Variants in TBC1D32 observed in about 807,000 individuals in gnomAD.
The protein encoded by TBC1D32 is TBC1 domain family member 32.
TBC1D32 carries 151 observed loss-of-function variants against 170.3 expected under a neutral mutation model. The observed-to-expected ratio is 0.89, with a 90% CI of 0.78 to 1.01. The LOEUF is 1.01. Ranked by LOEUF, TBC1D32 falls within the 50% of genes least tolerant of loss-of-function variation. The probability of loss-of-function intolerance (pLI) is 0.00; values close to 1 mark genes in which losing one functional copy is unlikely to be tolerated. For missense variants in TBC1D32, 1,464 were observed against 1,457.1 expected, an observed-to-expected ratio of 1.00 and a Z score of -0.08; for synonymous variants, 498 against 488.0, an observed-to-expected ratio of 1.02 and a Z score of -0.27.
intron 15 of TBC1D32, among the ~76,000 whole-genome samples, chr6:121,257,553 T>C (rs1344984094): frequency 1.3e-5 from 2 of 152,194 alleles, no homozygotes; most frequent in Admixed American, 1.3e-4. Context: ...CTCAGTAACA[T>C]TTTAGTTACA....
chr6:121,138,371 C>G (rs1782372723), intron 24 of TBC1D32, among the ~76,000 whole-genome samples: 1 of 152,226 alleles, frequency 6.6e-6, no homozygotes, highest in South Asian at 2.1e-4. Flanking sequence ...TTAGTCTTCC[C>G]TTGTCATCTT....
At position 121,106,181 on chromosome 6, in the gene TBC1D32, AT is replaced by A; in HGVS notation, c.3325-19del. On this transcript the variant is annotated intron_variant, in intron 29 of 31. Transcript: ENST00000398212. Reference sequence around the variant, plus strand: ...AGGTAACTCTGCATAAAAGAGAAAAATTAAAAATTTTATTAATTTTATTATT... The same window carrying A: ...AGGTAACTCTGCATAAAAGAGAAAAATAAAAATTTTATTAATTTTATTATT... 7.3e-7 allele frequency: 1 copy of A among 1,368,438 alleles called. No individual in the cohort carries two copies. Among genetic ancestry groups the A allele is most frequent in the Non-Finnish European group, 9.5e-7 (1 of 1,051,082 alleles). 84.8% of individuals were successfully genotyped at this position (1,368,438 alleles called of 1,614,324 possible).
intron 21 of TBC1D32, among the ~76,000 whole-genome samples, chr6:121,215,322 G>A (rs1793686375): frequency 6.6e-6 from 1 of 152,230 alleles, no homozygotes; most frequent in South Asian, 2.1e-4. Flanking sequence ...CCCACAGGCA[G>A]CTGAGTGCCT....
In TBC1D32 at chr6:121,217,298, G is replaced by A. The variant is rs186082034; in HGVS notation, c.2481+5938C>T. ...AAGCAATTTGCCTTCAGCTGGCAAG[G>A]CCAGCAATATACCTTTTCTGTCCTA... On this transcript the variant is annotated intron_variant, in intron 21 of 31. Coordinates refer to ENST00000398212, the MANE Select transcript of TBC1D32 (RefSeq NM_152730.6). Among the ~76,000 whole-genome samples the A allele has an allele frequency of 3.3e-5, 5 of 152,336 alleles. No homozygotes were observed. The East Asian group carries it at 9.7e-4, about 29-fold the overall frequency.
chr6:121,191,819 A>C (rs1051340922), intron 22 of TBC1D32, among the ~76,000 whole-genome samples: 1 of 152,040 alleles, frequency 6.6e-6, no homozygotes, highest in African/African-American at 2.4e-5. Context: ...ACCCACCCTT[A>C]ATCTGGTGGG....
At chr6:121,101,472 A>T (rs1395080116) in intron 30 of TBC1D32, among the ~76,000 whole-genome samples, 1 of 152,172 alleles carries the variant, frequency 6.6e-6, no homozygotes, top group Non-Finnish European at 1.5e-5. Context: ...CATAAACTGA[A>T]CCAAAGACAA....
At chr6:121,261,507 C>A (rs1019409076) in intron 15 of TBC1D32, among the ~76,000 whole-genome samples, 4 of 152,082 alleles carry the variant, frequency 2.6e-5, no homozygotes, top group Non-Finnish European at 4.4e-5. Context: ...CTGAAGTGAA[C>A]CCCCAGCAAA....
chr6:121,229,375 C>T (rs1426154441), intron 20 of TBC1D32, among the ~76,000 whole-genome samples: 1 of 152,158 alleles, frequency 6.6e-6, no homozygotes, highest in East Asian at 1.9e-4. Context: ...CTTTTCATTT[C>T]ATCTGTTGAC....
chr6:121,159,909 T>G (rs562060678), intron 24 of TBC1D32, 101 bp downstream of exon 24: 5 of 785,200 alleles, frequency 6.4e-6, no homozygotes, highest in Non-Finnish European at 1.0e-5. Flanking sequence ...CATGTATACA[T>G]GCTAAATGCA....
intron 21 of TBC1D32, among the ~76,000 whole-genome samples, chr6:121,212,238 AC>A (rs1429621082): frequency 6.6e-6 from 1 of 152,076 alleles, no homozygotes; most frequent in East Asian, 1.9e-4. Context: ...TAAATAGCCT[AC>A]CAACCAAAAA....
chr6:121,176,745 C>T (rs991206371), intron 22 of TBC1D32, among the ~76,000 whole-genome samples: 6 of 151,932 alleles, frequency 3.9e-5, no homozygotes, highest in African/African-American at 9.7e-5. Context: ...ATTACAGGCA[C>T]GCGCCACCAC....
chr6:121,318,722 T>C (rs919614226), intron 2 of TBC1D32, among the ~76,000 whole-genome samples: 1 of 150,720 alleles, frequency 6.6e-6, no homozygotes, highest in Admixed American at 6.8e-5. Flanking sequence ...CATATGTTTA[T>C]GTGTATATAT....
Position 121,301,393 on chromosome 6 carries a change from C to T in TBC1D32, c.1081-1888G>A, listed in dbSNP as rs569909190. Among the ~76,000 whole-genome samples the T allele has an allele frequency of 5.3e-5, 8 of 152,160 alleles. No homozygotes were observed. The South Asian group carries it at 8.3e-4, about 16-fold the overall frequency. On this transcript the variant is annotated intron_variant, in intron 9 of 31. Transcript: ENST00000398212. ...TGAGTTCATGTCCTTTGCAGGGACACGGATGATGCTGGAAACCATCATTCT... is the reference window on the plus strand; with the variant it reads ...TGAGTTCATGTCCTTTGCAGGGACATGGATGATGCTGGAAACCATCATTCT...
At chr6:121,212,506 G>A (rs1456466452) in intron 21 of TBC1D32, among the ~76,000 whole-genome samples, 2 of 143,712 alleles carry the variant, frequency 1.4e-5, no homozygotes, top group African/African-American at 5.1e-5. Context: ...CCAGGCTGGA[G>A]TGTAGTGGCA....
chr6:121,123,550 T>C (rs1033937831), intron 26 of TBC1D32, among the ~76,000 whole-genome samples: 1 of 152,104 alleles, frequency 6.6e-6, no homozygotes, highest in African/African-American at 2.4e-5. Flanking sequence ...ATAAGTATAG[T>C]TACTCCTATC....
chr6:121,317,768 A>C, intron 2 of TBC1D32, 96 bp from the exon 3 acceptor site: 7 of 857,096 alleles, frequency 8.2e-6, no homozygotes, highest in African/African-American at 1.8e-5. Context: ...TAAAAAGGGA[A>C]GTCCCTTTAA....
intron 12 of TBC1D32, among the ~76,000 whole-genome samples, chr6:121,288,720 A>G (rs1362874100): frequency 1.3e-5 from 2 of 152,126 alleles, no homozygotes; most frequent in Non-Finnish European, 2.9e-5. Flanking sequence ...TTTTAGACCA[A>G]TATCCCACAT....
chr6:121,136,258 A>G (rs1327349127), intron 24 of TBC1D32, among the ~76,000 whole-genome samples: 1 of 152,204 alleles, frequency 6.6e-6, no homozygotes, highest in East Asian at 1.9e-4. Flanking sequence ...TGGGACATGT[A>G]ACAACCTGGG....
chr6:121,312,514 G>A (rs975786761), intron 3 of TBC1D32, among the ~76,000 whole-genome samples: 1 of 152,072 alleles, frequency 6.6e-6, no homozygotes, highest in Non-Finnish European at 1.5e-5. Context: ...AGGAGCCTAG[G>A]AGAGCCACAG....
Sources: allele counts gnomAD v4.1 joint callset (sites outside exome capture counted in the v4.1 genomes callset), GRCh38; gene constraint gnomAD v4.1.1; transcripts MANE v1.5; gene names NCBI Gene and HGNC (gene_info 2026-07-23, HGNC 2026-07-21).